Variants in KCTD16 observed in about 807,000 individuals in gnomAD.
The protein encoded by KCTD16 is BTB/POZ domain-containing protein KCTD16.
In KCTD16, 13 loss-of-function variants were observed where a neutral mutation model predicts 33.2. The observed-to-expected ratio is 0.39, with a 90% CI of 0.25 to 0.62. KCTD16 has a LOEUF of 0.62. KCTD16 is among the 20% of genes least tolerant of loss of function. KCTD16 has a pLI of 0.50. For missense variants in KCTD16, 441 were observed against 525.1 expected (o/e 0.84, Z 1.57); for synonymous variants, 197 against 195.3 (o/e 1.01, Z -0.07).
intron 3 of KCTD16, among the ~76,000 whole-genome samples, chr5:144,444,259 A>C: frequency 6.6e-6 from 1 of 150,932 alleles, no homozygotes; most frequent in East Asian, 1.9e-4. Flanking sequence ...GATATTTCCA[A>C]TTCAAATGAA....
At chr5:144,386,990 A>G (rs1345752916) in intron 3 of KCTD16, among the ~76,000 whole-genome samples, 1 of 151,334 alleles carries the variant, frequency 6.6e-6, no homozygotes, top group Non-Finnish European at 1.5e-5. Context: ...TTTTTTTTTG[A>G]GACACAATCC....
intron 3 of KCTD16, among the ~76,000 whole-genome samples, chr5:144,289,655 T>G (rs73792375): frequency 1.1e-4 from 17 of 152,298 alleles, no homozygotes. Flanking sequence ...TAATAACACA[T>G]GCTCTATTTC....
chr5:144,197,724 G>C (rs1470925365), intron 2 of KCTD16, among the ~76,000 whole-genome samples: 1 of 152,138 alleles, frequency 6.6e-6, no homozygotes, highest in East Asian at 1.9e-4. Flanking sequence ...AATCAGACAG[G>C]TTTGGTGTGA....
chr5:144,234,276 C>T (rs1017803527), intron 3 of KCTD16, among the ~76,000 whole-genome samples: 1 of 152,076 alleles, frequency 6.6e-6, no homozygotes, highest in Non-Finnish European at 1.5e-5. Context: ...TCTCTCCAAG[C>T]GTGGTGCTCC....
intron 3 of KCTD16, among the ~76,000 whole-genome samples, chr5:144,265,994 A>G (rs1460882933): frequency 6.6e-6 from 1 of 152,184 alleles, no homozygotes; most frequent in Non-Finnish European, 1.5e-5. Flanking sequence ...ATTCAGAATC[A>G]GGTTCTTTCA....
At chr5:144,407,904 A>G (rs912202744) in intron 3 of KCTD16, among the ~76,000 whole-genome samples, 2 of 152,168 alleles carry the variant, frequency 1.3e-5, no homozygotes, top group Non-Finnish European at 2.9e-5. Context: ...ATAGTATTCC[A>G]TGGTGTGTAT....
At chr5:144,316,189 A>G (rs965470436) in intron 3 of KCTD16, among the ~76,000 whole-genome samples, 2 of 152,166 alleles carry the variant, frequency 1.3e-5, no homozygotes, top group African/African-American at 4.8e-5. Flanking sequence ...TAAGCAAACA[A>G]TGCAGCAGGT....
Position 144,473,736 on chromosome 5 carries a change from C to A in KCTD16, c.909C>A (p.Ser303Arg). ...KNGKGDKEGESGTSCNDLSTS... is the reference protein window; with the variant it reads ...KNGKGDKEGERGTSCNDLSTS... Reference sequence around the variant, plus strand: ...GCAAAGGTGACAAAGAAGGGGAGAGCGGCACGTCTTGCAATGACCTCTCCA... The same window carrying A: ...GCAAAGGTGACAAAGAAGGGGAGAGAGGCACGTCTTGCAATGACCTCTCCA... Residue 303 changes from serine (S) to arginine (R), a missense_variant, in exon 4 of 4, where the codon AGC (serine) becomes AGA (arginine). Physicochemically the swap from Ser to Arg is moderately radical, Grantham distance 110 (BLOSUM62 -1). Transcript: ENST00000512467. 1 of 1,613,342 alleles carries A rather than the reference C, an allele frequency of 6.2e-7. No homozygotes were observed. Among genetic ancestry groups the A allele is most frequent in the Non-Finnish European group, 8.5e-7 (1 of 1,179,356 alleles).
intron 3 of KCTD16, among the ~76,000 whole-genome samples, chr5:144,336,475 A>G (rs1752497405): frequency 1.3e-5 from 2 of 152,180 alleles, no homozygotes; most frequent in African/African-American, 2.4e-5. Context: ...CTCTAATGTC[A>G]TCTTTTACTT....
chr5:144,259,182 C>T (rs778288714), intron 3 of KCTD16, among the ~76,000 whole-genome samples: 1 of 147,596 alleles, frequency 6.8e-6, no homozygotes. Flanking sequence ...GGGGTGAACC[C>T]GAGAGGCGGA....
intron 3 of KCTD16, among the ~76,000 whole-genome samples, chr5:144,265,039 T>A (rs1755106547): frequency 6.6e-6 from 1 of 152,194 alleles, no homozygotes; most frequent in Admixed American, 6.5e-5. Flanking sequence ...CTGTTAGCAA[T>A]CTTAACTCTC....
chr5:144,268,361 G>A (rs1366758655), intron 3 of KCTD16, among the ~76,000 whole-genome samples: 1 of 152,104 alleles, frequency 6.6e-6, no homozygotes, highest in Admixed American at 6.5e-5. Flanking sequence ...TGACCTCTAA[G>A]GGATTTAAAG....
At chr5:144,174,627 T>G (rs952609243) in intron 2 of KCTD16, among the ~76,000 whole-genome samples, 155 bp downstream of exon 2, 1 of 152,220 alleles carries the variant, frequency 6.6e-6, no homozygotes, top group Non-Finnish European at 1.5e-5. Context: ...AAATTCTGCT[T>G]CTTTTGTTTC....
chr5:144,330,310 G>T (rs1752320345), intron 3 of KCTD16, among the ~76,000 whole-genome samples: 1 of 150,858 alleles, frequency 6.6e-6, no homozygotes, highest in African/African-American at 2.4e-5. Flanking sequence ...CTACTGGGGA[G>T]AGTGATACAG....
intron 3 of KCTD16, among the ~76,000 whole-genome samples, chr5:144,297,153 G>A (rs1043498126): frequency 3.3e-5 from 5 of 152,126 alleles, no homozygotes; most frequent in Non-Finnish European, 5.9e-5. Context: ...TTCTAGCTCC[G>A]CTTCTTTTAC....
intron 3 of KCTD16, among the ~76,000 whole-genome samples, chr5:144,428,669 A>G (rs1163994310): frequency 6.6e-6 from 1 of 152,306 alleles, no homozygotes; most frequent in African/African-American, 2.4e-5. Context: ...CTACTACTAC[A>G]TCGTTGGGAT....
intron 3 of KCTD16, among the ~76,000 whole-genome samples, chr5:144,288,160 T>C (rs1755799935): frequency 6.6e-6 from 1 of 152,192 alleles, no homozygotes; most frequent in Admixed American, 6.5e-5. Context: ...TTTCAAATGA[T>C]CCTTGGATCA....
chr5:144,184,033 C>A (rs1561521591), intron 2 of KCTD16, among the ~76,000 whole-genome samples: 1 of 152,148 alleles, frequency 6.6e-6, no homozygotes, highest in Non-Finnish European at 1.5e-5. Flanking sequence ...CCAGCTTAAT[C>A]AGGTACTGTG....
chr5:144,191,741 G>A (rs1228292184), intron 2 of KCTD16, among the ~76,000 whole-genome samples: 1 of 151,894 alleles, frequency 6.6e-6, no homozygotes, highest in Non-Finnish European at 1.5e-5. Flanking sequence ...CAACAGCCGA[G>A]ACAGTTCCCT....
Sources: gnomAD v4.1 joint callset for allele counts (sites outside exome capture counted in the v4.1 genomes callset) on GRCh38, gnomAD v4.1.1 for gene constraint, MANE v1.5 for transcripts, NCBI Gene and HGNC (gene_info 2026-07-23, HGNC 2026-07-21) for gene names.